SLC4A10: variants seen among roughly 807,000 people sequenced by gnomAD.
The protein encoded by SLC4A10 is sodium-driven chloride bicarbonate exchanger.
In SLC4A10, 42 loss-of-function variants were observed where a neutral mutation model predicts 137.7. The observed-to-expected ratio is 0.30, with a 90% CI of 0.24 to 0.39. The LOEUF is 0.39. Ranked by LOEUF, SLC4A10 falls within the 10% of genes least tolerant of loss-of-function variation. The pLI, the probability that SLC4A10 is intolerant of heterozygous loss-of-function variation, is 1.00. For missense variants in SLC4A10, 925 were observed against 1,355.0 expected (o/e 0.68, Z 4.98); for synonymous variants, 474 against 464.1 (o/e 1.02, Z -0.27).
At chr2:161,637,899 G>A (rs997109454) in intron 1 of SLC4A10, among the ~76,000 whole-genome samples, 5 of 152,104 alleles carry the variant, frequency 3.3e-5, no homozygotes, top group African/African-American at 1.2e-4. Context: ...TCACTTGAAT[G>A]TCTTATTTTG....
chr2:161,966,969 A>T (rs1270879107), intron 23 of SLC4A10, among the ~76,000 whole-genome samples: 1 of 152,218 alleles, frequency 6.6e-6, no homozygotes, highest in Admixed American at 6.5e-5. Flanking sequence ...ACACCCAAGA[A>T]GGTTTAAATT....
At chr2:161,755,494 C>T (rs796088639) in intron 1 of SLC4A10, among the ~76,000 whole-genome samples, 3 of 152,244 alleles carry the variant, frequency 2.0e-5, no homozygotes, top group African/African-American at 7.2e-5. Flanking sequence ...GGTTCTCCAG[C>T]AGCCATTTTC....
chr2:161,774,504 T>C (rs2052064254), intron 2 of SLC4A10, among the ~76,000 whole-genome samples: 1 of 151,828 alleles, frequency 6.6e-6, no homozygotes, highest in African/African-American at 2.4e-5. Context: ...CCAGAGGTGT[T>C]GCCTGCTTGA....
At chr2:161,637,371 T>C (rs946677878) in intron 1 of SLC4A10, among the ~76,000 whole-genome samples, 4 of 151,826 alleles carry the variant, frequency 2.6e-5, no homozygotes, top group Non-Finnish European at 4.4e-5. Flanking sequence ...GTAATTTTTT[T>C]TGTATTTTTA....
At chr2:161,692,122 G>GAAAAAAGAAAA (rs1297451237) in intron 1 of SLC4A10, among the ~76,000 whole-genome samples, 2 of 151,942 alleles carry the variant, frequency 1.3e-5, no homozygotes, top group Non-Finnish European at 2.9e-5. Context: ...AAAAAGAAAA[G>GAAAAAAGAAAA]AAAAGAGCAG....
chr2:161,836,523 AGAGAGAG>A (rs1470571817), intron 3 of SLC4A10, among the ~76,000 whole-genome samples: 11 of 116,020 alleles, frequency 9.5e-5, no homozygotes, highest in African/African-American at 4.0e-4. Context: ...AAAGAAAGAG[AGAGAGAG>A]AGAAAGAAAG....
intron 5 of SLC4A10, among the ~76,000 whole-genome samples, chr2:161,857,383 C>T (rs2060162956): frequency 6.6e-6 from 1 of 152,074 alleles, no homozygotes; most frequent in Non-Finnish European, 1.5e-5. Flanking sequence ...CTGAATGTCC[C>T]ATTTTTCAGT....
At chr2:161,812,889 T>G (rs989460967) in intron 3 of SLC4A10, among the ~76,000 whole-genome samples, 1 of 152,096 alleles carries the variant, frequency 6.6e-6, no homozygotes, top group Non-Finnish European at 1.5e-5. Flanking sequence ...TTAATGTTAG[T>G]CTTTTATATT....
intron 3 of SLC4A10, among the ~76,000 whole-genome samples, chr2:161,813,920 A>T (rs192992451): frequency 1.4e-4 from 22 of 152,174 alleles, no homozygotes; most frequent in Admixed American, 1.3e-3. Context: ...CCTGGGGCCT[A>T]AGCATGAGTA....
chr2:161,972,328 T>C (rs532642311), intron 23 of SLC4A10, among the ~76,000 whole-genome samples: 1 of 152,306 alleles, frequency 6.6e-6, no homozygotes, highest in Non-Finnish European at 1.5e-5. Flanking sequence ...ATGATACATA[T>C]GCTCTGCCCC....
intron 6 of SLC4A10, among the ~76,000 whole-genome samples, chr2:161,864,326 G>A (rs62188763): frequency 0.065 from 9,947 of 152,244 alleles, 621 homozygotes; most frequent in Admixed American, 0.21. Flanking sequence ...GAAATATCAT[G>A]TAATCTCACC....
chr2:161,804,195 G>T (rs571396823), intron 2 of SLC4A10, among the ~76,000 whole-genome samples: 1 of 152,164 alleles, frequency 6.6e-6, no homozygotes, highest in African/African-American at 2.4e-5. Flanking sequence ...GACACATAGA[G>T]ATTATAAAGG....
intron 26 of SLC4A10, 59 bp downstream of exon 26, chr2:161,977,819 C>A: frequency 2.0e-6 from 3 of 1,497,568 alleles, no homozygotes; most frequent in Non-Finnish European, 2.7e-6. Flanking sequence ...TAAATGGTGT[C>A]TTCTAGAAAC....
intron 1 of SLC4A10, among the ~76,000 whole-genome samples, chr2:161,763,094 TA>T: frequency 6.6e-6 from 1 of 152,272 alleles, no homozygotes; most frequent in East Asian, 1.9e-4. Context: ...AGTTTATTTT[TA>T]TACCCTCTTT....
At chr2:161,735,357 A>T (rs995198927) in intron 1 of SLC4A10, among the ~76,000 whole-genome samples, 1 of 151,830 alleles carries the variant, frequency 6.6e-6, no homozygotes, top group Admixed American at 6.6e-5. Flanking sequence ...CCATTTAAAA[A>T]TAAATGTCAA....
chr2:161,688,974 C>G (rs1482126915), intron 1 of SLC4A10, among the ~76,000 whole-genome samples: 1 of 150,390 alleles, frequency 6.6e-6, no homozygotes, highest in East Asian at 1.9e-4. Context: ...TAGTTCTTAA[C>G]AAAAAATATG....
intron 2 of SLC4A10, among the ~76,000 whole-genome samples, chr2:161,779,765 T>C (rs2052798578): frequency 6.6e-6 from 1 of 152,034 alleles, no homozygotes; most frequent in African/African-American, 2.4e-5. Flanking sequence ...CTGCCACCTT[T>C]ATTTGCATGG....
At chr2:161,920,307 A>G (rs1214715216) in intron 15 of SLC4A10, among the ~76,000 whole-genome samples, 2 of 152,164 alleles carry the variant, frequency 1.3e-5, no homozygotes, top group Non-Finnish European at 2.9e-5. Flanking sequence ...TTGGCTTAAA[A>G]GGCTGGGATA....
intron 4 of SLC4A10, among the ~76,000 whole-genome samples, chr2:161,849,037 A>G (rs1449986495): frequency 6.6e-6 from 1 of 152,154 alleles, no homozygotes; most frequent in Non-Finnish European, 1.5e-5. Context: ...ATCCATGAGC[A>G]TGGAATGTTT....
Sources: allele counts gnomAD v4.1 joint callset (sites outside exome capture counted in the v4.1 genomes callset), GRCh38; gene constraint gnomAD v4.1.1; transcripts MANE v1.5; gene names NCBI Gene and HGNC (gene_info 2026-07-23, HGNC 2026-07-21).